Variants in IL4R observed in about 807,000 individuals in gnomAD.
The protein encoded by IL4R is interleukin-4 receptor subunit alpha.
In IL4R, 17 loss-of-function variants were observed where a neutral mutation model predicts 41.5. The observed-to-expected ratio is 0.41, with a 90% CI of 0.28 to 0.61. The LOEUF is 0.61. IL4R is among the 20% of genes least tolerant of loss of function. The probability of loss-of-function intolerance (pLI) is 0.31; values close to 1 mark genes in which losing one functional copy is unlikely to be tolerated. For missense variants in IL4R, 974 were observed against 1,043.1 expected (o/e 0.93, Z 0.91); for synonymous variants, 402 against 422.9 (o/e 0.95, Z 0.61).
At chr16:27,327,462 C>T (rs866992448) in intron 1 of IL4R, among the ~76,000 whole-genome samples, 3 of 152,122 alleles carry the variant, frequency 2.0e-5, no homozygotes, top group African/African-American at 4.8e-5. Context: ...CTCCTGGTGG[C>T]GGGCGTGTTT....
rs551961479 is a variant in IL4R, at chr16:27,345,326, T to G, written c.361+306T>G. The G allele has an allele frequency of 2.0e-6, 1 of 489,444 alleles. No individual in the cohort carries two copies. Among genetic ancestry groups the G allele is most frequent in the Admixed American group, 2.6e-5 (1 of 37,832 alleles). 30.3% of individuals were successfully genotyped at this position (489,444 alleles called of 1,614,324 possible). On this transcript the variant is annotated intron_variant, in intron 5 of 10. Transcript: ENST00000395762. This position sits in a 1 kb window ranked among gnomAD's most constrained non-coding sequence, Gnocchi z 4.5. Reference sequence around the variant, plus strand: ...GCTGGAAGGCATGCCTGCTGCTGATTGAAAACCGAACTGGGAACATTCCTT... The same window carrying G: ...GCTGGAAGGCATGCCTGCTGCTGATGGAAAACCGAACTGGGAACATTCCTT...
intron 4 of IL4R, among the ~76,000 whole-genome samples, chr16:27,344,425 G>A (rs1190843805): frequency 4.0e-5 from 6 of 151,560 alleles, no homozygotes; most frequent in Admixed American, 2.6e-4. Flanking sequence ...TAACTATCTG[G>A]CCTGTTACAG....
chr16:27,363,971 A>C lies in IL4R; in HGVS notation c.*141A>C. ...CCATGGTATGAAGGTGATTGGCCCCACTGACGTTGGCCTAACACTGGGCTG... is the reference window on the plus strand; with the variant it reads ...CCATGGTATGAAGGTGATTGGCCCCCCTGACGTTGGCCTAACACTGGGCTG... On this transcript the variant is annotated 3_prime_UTR_variant, in exon 11 of 11. Coordinates refer to ENST00000395762, the MANE Select transcript of IL4R (RefSeq NM_000418.4). 9.9e-7 allele frequency: 1 copy of C among 1,013,174 alleles called. No individual in the cohort carries two copies. Among genetic ancestry groups the C allele is most frequent in the Non-Finnish European group, 1.4e-6 (1 of 693,060 alleles). 62.8% of individuals were successfully genotyped at this position (1,013,174 alleles called of 1,614,324 possible).
chr16:27,320,232 G>C (rs1302536499), intron 1 of IL4R, among the ~76,000 whole-genome samples: 1 of 152,174 alleles, frequency 6.6e-6, no homozygotes, highest in Non-Finnish European at 1.5e-5. Context: ...ATCGCCCTTG[G>C]ATGGGACCAT....
intron 3 of IL4R, 146 bp downstream of exon 3, chr16:27,340,419 A>C (rs2085403591): frequency 1.5e-6 from 1 of 657,066 alleles, no homozygotes; most frequent in Admixed American, 2.4e-5. Context: ...GTAAATTCTA[A>C]AGATTGTTAG....
chr16:27,315,907 A>G (rs2084633759), intron 1 of IL4R, among the ~76,000 whole-genome samples: 1 of 152,194 alleles, frequency 6.6e-6, no homozygotes. Flanking sequence ...CAACACATGC[A>G]GTTACCGGCA....
chr16:27,359,195 C>T (rs1222853104), intron 9 of IL4R, among the ~76,000 whole-genome samples: 1 of 152,214 alleles, frequency 6.6e-6, no homozygotes, highest in Non-Finnish European at 1.5e-5. Flanking sequence ...TTGGCAATCC[C>T]AGCCTGGGGT....
chr16:27,352,540 T>C lies in IL4R; in HGVS notation c.514T>C (p.Phe172Leu), dbSNP rs760063814. 6.2e-7 allele frequency: 1 copy of C among 1,613,964 alleles called. No homozygotes were observed. Among genetic ancestry groups the C allele is most frequent in the Non-Finnish European group, 8.5e-7 (1 of 1,179,926 alleles). The change falls in exon 7 of 11, where the codon TTC (phenylalanine) becomes CTC (leucine). Residue 172 changes from phenylalanine to leucine, a missense_variant and splice_region_variant. Transcript: ENST00000395762. ...NIWSENDPADFRIYNVTYLEP... is the reference protein window; with the variant it reads ...NIWSENDPADLRIYNVTYLEP... ...CTAACATCTCCCTTTTCTCTACCAG[T>C]TCAGAATCTATAACGTGACCTACCT...
chr16:27,352,755 C>T, intron 7 of IL4R, 59 bp downstream of exon 7: 1 of 1,541,856 alleles, frequency 6.5e-7, no homozygotes, highest in Non-Finnish European at 8.9e-7. Flanking sequence ...CCCCTGTGGC[C>T]AGACACTTCC....
At chr16:27,327,980 G>C (rs1368423722) in intron 1 of IL4R, among the ~76,000 whole-genome samples, 1 of 151,950 alleles carries the variant, frequency 6.6e-6, no homozygotes, top group Non-Finnish European at 1.5e-5. Flanking sequence ...GGGAGGCTGA[G>C]GCAGGCGGAT....
At chr16:27,317,907 C>T (rs752061136) in intron 1 of IL4R, among the ~76,000 whole-genome samples, 1 of 152,192 alleles carries the variant, frequency 6.6e-6, no homozygotes, top group Non-Finnish European at 1.5e-5. Flanking sequence ...TTCTGCGTAT[C>T]CAGCACCTGG....
chr16:27,359,705 G>A (rs973172907), intron 9 of IL4R: 2 of 428,710 alleles, frequency 4.7e-6, no homozygotes, highest in Admixed American at 4.8e-5. Flanking sequence ...TCCTCTTGTG[G>A]GTTATAACAG....
chr16:27,333,301 C>T (rs1217422596), intron 2 of IL4R, among the ~76,000 whole-genome samples: 1 of 151,628 alleles, frequency 6.6e-6, no homozygotes, highest in East Asian at 1.9e-4. Flanking sequence ...TTTTCTTATC[C>T]TACACTTGCG....
rs1299998658 is a variant in IL4R at position 27,360,649 on chromosome 16, C to A, written c.850-117C>A. ...CTGAAGCTCAGAAAGCGTAAGTGAC[C>A]TGTTGGACTTCTGATCTGTGTGATG... On this transcript the variant is annotated intron_variant, in intron 9 of 10. Coordinates refer to ENST00000395762, the MANE Select transcript of IL4R (RefSeq NM_000418.4). 5.0e-6 allele frequency: 6 copies of A among 1,191,504 alleles called. No homozygotes were observed. In the East Asian group the frequency reaches 1.4e-4, roughly 28 times the overall value. 73.8% of individuals were successfully genotyped at this position (1,191,504 alleles called of 1,614,324 possible). A position where few individuals can be genotyped will look rare whatever the true frequency, so the allele number is the denominator to read the frequency against.
At chr16:27,342,364 A>G in intron 4 of IL4R, 105 bp downstream of exon 4, 3 of 1,380,010 alleles carry the variant, frequency 2.2e-6, no homozygotes, top group Non-Finnish European at 3.0e-6. Context: ...GATGCTGAGT[A>G]TGGTTTGCTG....
chr16:27,314,143 G>T (rs1428698774), intron 1 of IL4R, 123 bp downstream of exon 1: 15 of 973,708 alleles, frequency 1.5e-5, no homozygotes, highest in Non-Finnish European at 1.8e-5. Context: ...GACTCCGAGC[G>T]GGGCCCGAGC....
chr16:27,339,278 A>G (rs565553706), intron 2 of IL4R, among the ~76,000 whole-genome samples: 1 of 152,290 alleles, frequency 6.6e-6, no homozygotes, highest in East Asian at 1.9e-4. Flanking sequence ...AGCTGGGACT[A>G]GAGATGCACA....
intron 1 of IL4R, chr16:27,315,387 G>A (rs1324484624): frequency 6.6e-6 from 1 of 152,318 alleles, no homozygotes; most frequent in Non-Finnish European, 1.5e-5. Context: ...GCGAGGCCCT[G>A]GGTGGTGTTC....
chr16:27,313,790 G>GGGACCA, upstream of IL4R: 1 of 463,424 alleles, frequency 2.2e-6, no homozygotes, highest in Non-Finnish European at 2.8e-6. Context: ...TCCGGCGGCG[G>GGGACCA]CGGCGGGGAC....
Sources: allele counts gnomAD v4.1 joint callset (sites outside exome capture counted in the v4.1 genomes callset), GRCh38; gene constraint gnomAD v4.1.1; non-coding constraint Gnocchi (gnomAD v3.1); transcripts MANE v1.5; gene names NCBI Gene and HGNC (gene_info 2026-07-23, HGNC 2026-07-21).